Variants in PIK3C3 observed in about 807,000 individuals in gnomAD.
PIK3C3 encodes phosphatidylinositol 3-kinase catalytic subunit type 3.
PIK3C3 carries 95 observed loss-of-function variants against 126.1 expected under a neutral mutation model. That is an observed-to-expected ratio of 0.75 (90% CI 0.64 to 0.89). PIK3C3 has a LOEUF of 0.89. PIK3C3 is among the 40% of genes least tolerant of loss of function. The pLI, the probability that PIK3C3 is intolerant of heterozygous loss-of-function variation, is 0.00. For missense variants in PIK3C3, 829 were observed against 1,063.2 expected, an observed-to-expected ratio of 0.78 and a Z score of 3.06; for synonymous variants, 374 against 360.0, an observed-to-expected ratio of 1.04 and a Z score of -0.44.
At chr18:41,988,159 A>C (rs1469797226) in intron 5 of PIK3C3, among the ~76,000 whole-genome samples, 3 of 151,874 alleles carry the variant, frequency 2.0e-5, no homozygotes, top group Non-Finnish European at 1.5e-5. Flanking sequence ...ATGCAGACTT[A>C]ATGCCTCAGT....
chr18:42,029,509 AT>A (rs1309131800), intron 15 of PIK3C3, 68 bp downstream of exon 15: 8 of 411,122 alleles, frequency 1.9e-5, no homozygotes, highest in Non-Finnish European at 3.2e-5. Context: ...AATTTTCACT[AT>A]TGTCTTTTTG....
At chr18:41,962,132 A>G (rs1980119665) in intron 2 of PIK3C3, among the ~76,000 whole-genome samples, 1 of 152,014 alleles carries the variant, frequency 6.6e-6, no homozygotes, top group Non-Finnish European at 1.5e-5. Context: ...CATAATGTAA[A>G]TTGGGTTTTG....
intron 12 of PIK3C3, among the ~76,000 whole-genome samples, chr18:42,020,352 C>T (rs1983265932): frequency 6.6e-6 from 1 of 152,054 alleles, no homozygotes; most frequent in Non-Finnish European, 1.5e-5. Flanking sequence ...TCTAATCTCC[C>T]AACCTAAATT....
At chr18:42,026,464 T>C (rs1466255281) in intron 13 of PIK3C3, 1 of 152,196 alleles carries the variant, frequency 6.6e-6, no homozygotes, top group African/African-American at 2.4e-5. Flanking sequence ...TGATACTTTT[T>C]TTTTTCTCTT....
rs1225330481 is a variant in PIK3C3 at position 42,067,523 on chromosome 18, C to G, written c.2649+10C>G. On this transcript the variant is annotated intron_variant, in intron 24 of 24. Transcript: ENST00000262039. ...TCACAAGTTTGCCCAGGTAAGTTCC[C>G]TGAGTGCAGTGCATTTTTCTCACCT... 6.2e-7 allele frequency: 1 copy of G among 1,613,982 alleles called. No homozygotes were observed. The highest frequency in any genetic ancestry group is 1.7e-5 in the Admixed American group (1 of 60,018).
At chr18:42,052,810 A>C (rs567509489) in intron 21 of PIK3C3, 1 of 152,206 alleles carries the variant, frequency 6.6e-6, no homozygotes, top group Non-Finnish European at 1.5e-5. Context: ...AGACTTGTCC[A>C]TTGTATATTT....
intron 11 of PIK3C3, 29 bp from the exon 12 acceptor site, chr18:42,015,447 C>T (rs764187553): frequency 1.3e-6 from 2 of 1,535,474 alleles, no homozygotes; most frequent in Admixed American, 3.3e-5. Context: ...TATTTTACAT[C>T]TCAGTGATCT....
intron 13 of PIK3C3, among the ~76,000 whole-genome samples, chr18:42,024,567 C>T (rs1174814705): frequency 1.3e-5 from 2 of 151,870 alleles, no homozygotes; most frequent in African/African-American, 4.8e-5. Flanking sequence ...TCCCACATAG[C>T]TGGGATTACA....
At chr18:41,991,025 A>T (rs1272341037) in intron 6 of PIK3C3, among the ~76,000 whole-genome samples, 1 of 152,180 alleles carries the variant, frequency 6.6e-6, no homozygotes, top group African/African-American at 2.4e-5. Flanking sequence ...TTTGTACAAT[A>T]GATGCAAAAT....
chr18:42,023,533 C>T (rs1983421672), intron 13 of PIK3C3, among the ~76,000 whole-genome samples: 2 of 152,206 alleles, frequency 1.3e-5, no homozygotes, highest in African/African-American at 2.4e-5. Context: ...ATAGCATATG[C>T]TGTGTCTATT....
intron 21 of PIK3C3, among the ~76,000 whole-genome samples, chr18:42,057,167 T>C (rs944809011): frequency 2.7e-5 from 4 of 150,754 alleles, no homozygotes; most frequent in African/African-American, 9.8e-5. Flanking sequence ...TATAAATCAA[T>C]GTGTTACAGA....
chr18:42,033,239 A>C (rs1337020994), intron 15 of PIK3C3, among the ~76,000 whole-genome samples: 2 of 152,140 alleles, frequency 1.3e-5, no homozygotes, highest in East Asian at 3.9e-4. Context: ...TGGATTTCTC[A>C]GTTTCTGGAA....
intron 20 of PIK3C3, among the ~76,000 whole-genome samples, chr18:42,044,659 C>T (rs937983038): frequency 5.9e-5 from 9 of 152,118 alleles, no homozygotes; most frequent in Non-Finnish European, 1.3e-4. Flanking sequence ...CTCAAACGAT[C>T]ACCACCTGCT....
chr18:41,987,914 C>G lies in PIK3C3; in HGVS notation c.618+16C>G, dbSNP rs766347509. On this transcript the variant is annotated intron_variant, in intron 5 of 24. Transcript: ENST00000262039. ...GATAAATGAGGTGGGTTATATCACT[C>G]TTTTATTTTAAAATATTTTCTGTAA... 4 of 1,376,964 alleles carry G rather than the reference C, an allele frequency of 2.9e-6. No homozygotes were observed. In the Admixed American group the frequency reaches 8.6e-5, roughly 30 times the overall value. The allele number at this position is 1,376,964 out of a possible 1,614,324, so 85.3% of individuals were successfully genotyped here.
chr18:41,974,089 T>C (rs1980798339), intron 4 of PIK3C3, among the ~76,000 whole-genome samples: 1 of 152,012 alleles, frequency 6.6e-6, no homozygotes, highest in Admixed American at 6.6e-5. Context: ...TATGAGAGAG[T>C]TTACTCACTT....
chr18:42,029,069 T>TG (rs1983701387), intron 14 of PIK3C3, among the ~76,000 whole-genome samples: 1 of 152,200 alleles, frequency 6.6e-6, no homozygotes, highest in African/African-American at 2.4e-5. Flanking sequence ...ATGGTTTATG[T>TG]GGGAAAAAAA....
At chr18:42,076,165 C>CATATATATATGCAT (rs1568013844) in intron 24 of PIK3C3, among the ~76,000 whole-genome samples, 1 of 103,676 alleles carries the variant, frequency 9.6e-6, no homozygotes, top group South Asian at 3.0e-4. Context: ...TATATATGCA[C>CATATATATATGCAT]ATATATATAT....
intron 18 of PIK3C3, among the ~76,000 whole-genome samples, chr18:42,039,654 G>A (rs1259772444): frequency 6.6e-6 from 1 of 152,126 alleles, no homozygotes; most frequent in Non-Finnish European, 1.5e-5. Flanking sequence ...TTTGCTCCAT[G>A]GCCTATTAAT....
chr18:42,031,574 A>G (rs921110369), intron 15 of PIK3C3, among the ~76,000 whole-genome samples: 1 of 151,996 alleles, frequency 6.6e-6, no homozygotes, highest in Admixed American at 6.6e-5. Flanking sequence ...GCAGGCGTGC[A>G]CCACCACGCC....
Sources: gnomAD v4.1 joint callset for allele counts (sites outside exome capture counted in the v4.1 genomes callset) on GRCh38, gnomAD v4.1.1 for gene constraint, MANE v1.5 for transcripts, NCBI Gene and HGNC (gene_info 2026-07-23, HGNC 2026-07-21) for gene names.